The following ASCC3 variants were observed in gnomAD, a reference collection of about 807,000 sequenced individuals.
The protein encoded by ASCC3 is activating signal cointegrator 1 complex subunit 3, also known as ASC-1 complex subunit P200.
In ASCC3, 158 loss-of-function variants were observed where a neutral mutation model predicts 256.3. The observed-to-expected ratio is 0.62, with a 90% CI of 0.54 to 0.70. The LOEUF (loss-of-function observed/expected upper bound fraction) is 0.70, where lower values mean the gene tolerates loss of function less well. Among genes scored for constraint, ASCC3 ranks in the 30% least tolerant of loss-of-function variants. The pLI is 0.00. For synonymous variants in ASCC3, 948 were observed against 883.4 expected (o/e 1.07, Z -1.30); for missense variants, 2,259 against 2,626.0 (o/e 0.86, Z 3.05).
chr6:100,808,385 A>T (rs1770293434), intron 4 of ASCC3, among the ~76,000 whole-genome samples: 1 of 151,904 alleles, frequency 6.6e-6, no homozygotes, highest in African/African-American at 2.4e-5. Context: ...ACTGCAAGAA[A>T]CTACTGCTTG....
chr6:100,544,308 G>C (rs958301114), intron 36 of ASCC3, among the ~76,000 whole-genome samples: 5 of 151,824 alleles, frequency 3.3e-5, no homozygotes, highest in Non-Finnish European at 7.4e-5. Context: ...AGAAAGGAAA[G>C]GATGAAAATT....
chr6:100,767,990 G>T (rs1781743486), intron 8 of ASCC3, among the ~76,000 whole-genome samples: 1 of 151,844 alleles, frequency 6.6e-6, no homozygotes, highest in South Asian at 2.1e-4. Context: ...GGTATTTTTT[G>T]AGTTCATATT....
At chr6:100,533,986 A>G (rs1775040951) in intron 37 of ASCC3, among the ~76,000 whole-genome samples, 1 of 152,212 alleles carries the variant, frequency 6.6e-6, no homozygotes, top group African/African-American at 2.4e-5. Flanking sequence ...GTTCTTTGAT[A>G]AAAAACAGTG....
At chr6:100,779,898 C>A (rs77014366) in intron 8 of ASCC3, among the ~76,000 whole-genome samples, 11 of 152,106 alleles carry the variant, frequency 7.2e-5, no homozygotes, top group Admixed American at 6.6e-4. Flanking sequence ...ATATCAGCTA[C>A]CCTAATCATA....
intron 13 of ASCC3, among the ~76,000 whole-genome samples, chr6:100,706,747 C>T (rs1778606650): frequency 6.6e-6 from 1 of 152,048 alleles, no homozygotes. Context: ...AAACCTTAAA[C>T]AGAGCAAGCC....
At position 100,783,772 on chromosome 6, in the gene ASCC3, A is replaced by G. The variant is rs538135897; in HGVS notation, c.1395+14941T>C. Reference sequence around the variant, plus strand: ...ATGCTCTTAAATTAAAGGTAAATACATAAGATAATATATTCCTTATTTAAT... The same window carrying G: ...ATGCTCTTAAATTAAAGGTAAATACGTAAGATAATATATTCCTTATTTAAT... On this transcript the variant is annotated intron_variant, in intron 8 of 41. Coordinates refer to ENST00000369162, the MANE Select transcript of ASCC3 (RefSeq NM_006828.4). Among the ~76,000 whole-genome samples, 158 of 152,358 alleles carry G rather than the reference A, an allele frequency of 1.0e-3. 1 individual carries two copies. Among genetic ancestry groups the G allele is most frequent in the Non-Finnish European group, 1.9e-3 (132 of 68,032 alleles).
At chr6:100,716,845 T>A (rs549911125) in intron 12 of ASCC3, among the ~76,000 whole-genome samples, 2 of 151,978 alleles carry the variant, frequency 1.3e-5, no homozygotes, top group Non-Finnish European at 2.9e-5. Context: ...CTGACAAGCA[T>A]GTGAAACAAC....
intron 10 of ASCC3, among the ~76,000 whole-genome samples, chr6:100,761,773 G>C (rs1458659661): frequency 6.6e-6 from 1 of 152,152 alleles, no homozygotes; most frequent in African/African-American, 2.4e-5. Context: ...TAGTAAAGTA[G>C]CTTGAAATTT....
intron 8 of ASCC3, among the ~76,000 whole-genome samples, chr6:100,767,617 T>G (rs201617490): frequency 2.5e-3 from 1 of 394 alleles, no homozygotes; most frequent in African/African-American, 2.6e-3. Flanking sequence ...GTTTTTTTGG[T>G]TTTTTTTTTG....
chr6:100,639,480 A>G (rs1775006598), intron 24 of ASCC3, among the ~76,000 whole-genome samples: 1 of 152,174 alleles, frequency 6.6e-6, no homozygotes, highest in Admixed American at 6.5e-5. Context: ...AACAGACCTT[A>G]TATTTTCCAT....
chr6:100,600,204 T>TGC (rs201330586), intron 34 of ASCC3, among the ~76,000 whole-genome samples: 2,324 of 98,054 alleles, frequency 0.024, 24 homozygotes, highest in East Asian at 0.077. Context: ...CACATGCACA[T>TGC]GCACACACAC....
intron 36 of ASCC3, among the ~76,000 whole-genome samples, chr6:100,571,455 CACTATA>C (rs1482370816): frequency 6.6e-6 from 1 of 152,156 alleles, no homozygotes; most frequent in Non-Finnish European, 1.5e-5. Flanking sequence ...TGGCCAACTC[CACTATA>C]ACTATAAGGT....
intron 8 of ASCC3, among the ~76,000 whole-genome samples, chr6:100,791,840 G>A (rs567520872): frequency 6.6e-6 from 1 of 151,946 alleles, no homozygotes; most frequent in East Asian, 1.9e-4. Context: ...TCTTAAAATA[G>A]ACACAGGAAA....
At chr6:100,856,268 T>C (rs959934387) in intron 3 of ASCC3, 95 of 426,822 alleles carry the variant, frequency 2.2e-4, no homozygotes, top group African/African-American at 1.7e-3. Flanking sequence ...TATTTATGGA[T>C]GTATAAATAG....
chr6:100,679,634 A>G lies in ASCC3; in HGVS notation c.2270T>C (p.Val757Ala), dbSNP rs753088332. The G allele has an allele frequency of 1.9e-6, 3 of 1,613,658 alleles. No individual in the cohort carries two copies. Among genetic ancestry groups the G allele is most frequent in the Non-Finnish European group, 2.5e-6 (3 of 1,179,724 alleles). ...FFFPTQGHDYVLAEKQVQRSR... is the reference protein window; with the variant it reads ...FFFPTQGHDYALAEKQVQRSR... ...GTTTCTTACCTGTTTTTCTGCAAGT[A>G]CATAGTCATGTCCTTGGGTAGGAAA... is the stretch of plus-strand genomic sequence containing the variant. Residue 757 changes from valine (V) to alanine (A), a missense_variant, in exon 14 of 42, where the codon GTA becomes GCA. Transcript: ENST00000369162.
chr6:100,512,886 T>C lies in ASCC3; in HGVS notation c.6108A>G (p.Ile2036Met). 6.2e-7 allele frequency: 1 copy of C among 1,613,982 alleles called. No homozygotes were observed. The highest frequency in any genetic ancestry group is 1.3e-5 in the African/African-American group (1 of 75,046). Residue 2036 changes from isoleucine (I) to methionine (M), a missense_variant, in exon 40 of 42, where the codon ATA becomes ATG. Coordinates refer to ENST00000369162, the MANE Select transcript of ASCC3 (RefSeq NM_006828.4). Reference sequence around the variant, plus strand: ...AGCCTTTAACACTTATGCCAACATTTATCACTGGCAAGTGAGATAAGAAAT... The same window carrying C: ...AGCCTTTAACACTTATGCCAACATTCATCACTGGCAAGTGAGATAAGAAAT... ...AWNFLSHLPVINVGISVKGSW... is the reference protein window; with the variant it reads ...AWNFLSHLPVMNVGISVKGSW...
chr6:100,665,746 C>A (rs12177979), intron 14 of ASCC3, among the ~76,000 whole-genome samples: 45 of 143,852 alleles, frequency 3.1e-4, no homozygotes, highest in African/African-American at 2.8e-4. Flanking sequence ...TCTCAAAAAA[C>A]AAAAAAAAAA....
At chr6:100,699,687 T>C (rs547297815) in intron 13 of ASCC3, among the ~76,000 whole-genome samples, 1 of 152,172 alleles carries the variant, frequency 6.6e-6, no homozygotes, top group Non-Finnish European at 1.5e-5. Flanking sequence ...TGAATGGCTT[T>C]GAACAAAATG....
intron 37 of ASCC3, chr6:100,531,098 C>T: frequency 8.2e-7 from 1 of 1,218,504 alleles, no homozygotes; most frequent in Non-Finnish European, 1.2e-6. Context: ...ACAATAAATA[C>T]AACAGAAAAT....
Sources: allele counts gnomAD v4.1 joint callset (sites outside exome capture counted in the v4.1 genomes callset), GRCh38; gene constraint gnomAD v4.1.1; transcripts MANE v1.5; gene names NCBI Gene and HGNC (gene_info 2026-07-23, HGNC 2026-07-21).